Variants in EYS observed in about 807,000 individuals in gnomAD.
EYS encodes EGF-like photoreceptor maintenance factor, also known as protein eyes shut homolog.
EYS carries 250 observed loss-of-function variants against 282.1 expected under a neutral mutation model. That is an observed-to-expected ratio of 0.89 (90% CI 0.80 to 0.98). The LOEUF is 0.98. EYS is among the 50% of genes least tolerant of loss of function. The probability of loss-of-function intolerance (pLI) is 0.00; values close to 1 mark genes in which losing one functional copy is unlikely to be tolerated. For missense variants in EYS, 4,016 were observed against 3,709.0 expected, an observed-to-expected ratio of 1.08 and a Z score of -2.15; for synonymous variants, 1,355 against 1,282.9, an observed-to-expected ratio of 1.06 and a Z score of -1.20.
chr6:65,270,321 T>G (rs1021520283), intron 12 of EYS, among the ~76,000 whole-genome samples: 3 of 152,176 alleles, frequency 2.0e-5, no homozygotes, highest in Admixed American at 1.3e-4. Flanking sequence ...TTCCTTCTGA[T>G]TCCACTGGGG....
chr6:64,656,873 TAGGATGAG>T (rs986389710), intron 22 of EYS, among the ~76,000 whole-genome samples: 3 of 152,100 alleles, frequency 2.0e-5, no homozygotes, highest in Admixed American at 6.6e-5. Flanking sequence ...GTTGAAATGG[TAGGATGAG>T]AGGAGTAGGA....
At chr6:65,523,959 C>T (rs1767465856) in intron 2 of EYS, among the ~76,000 whole-genome samples, 2 of 152,200 alleles carry the variant, frequency 1.3e-5, no homozygotes, top group African/African-American at 4.8e-5. Flanking sequence ...GCAAACTCCG[C>T]CTCCTGGGTT....
rs144068656 is a variant in EYS at position 63,832,009 on chromosome 6, T to C, written c.7229-25637A>G. Among the ~76,000 whole-genome samples, 772 of 152,284 alleles carry C rather than the reference T, an allele frequency of 5.1e-3. 6 individuals are homozygous for C. The highest frequency in any genetic ancestry group is 5.6e-3 in the Non-Finnish European group (381 of 68,016). On this transcript the variant is annotated intron_variant, in intron 36 of 42. Transcript: ENST00000503581. ...TGAAGGCAGAAATAAAGATGTTCTTTGAAACCAACGAGAACAAAGACATAA... is the reference window on the plus strand; with the variant it reads ...TGAAGGCAGAAATAAAGATGTTCTTCGAAACCAACGAGAACAAAGACATAA...
chr6:64,609,046 A>G (rs181315035), intron 24 of EYS, among the ~76,000 whole-genome samples: 1 of 152,290 alleles, frequency 6.6e-6, no homozygotes, highest in East Asian at 1.9e-4. Context: ...TGTGAACTAC[A>G]GACTTTGGGT....
chr6:64,394,966 G>A (rs957410735), intron 28 of EYS, among the ~76,000 whole-genome samples: 2 of 152,110 alleles, frequency 1.3e-5, no homozygotes, highest in African/African-American at 2.4e-5. Flanking sequence ...CAAAAAGTGG[G>A]CGAAGGATAT....
intron 1 of EYS, among the ~76,000 whole-genome samples, chr6:65,665,227 A>G (rs985831172): frequency 1.3e-5 from 2 of 152,218 alleles, no homozygotes; most frequent in African/African-American, 2.4e-5. Context: ...AATTTAAGGT[A>G]TGAGAACTGA....
chr6:64,624,098 G>T (rs945948295), intron 23 of EYS, among the ~76,000 whole-genome samples: 2 of 152,112 alleles, frequency 1.3e-5, no homozygotes, highest in African/African-American at 4.8e-5. Flanking sequence ...TAACTCTAAA[G>T]TCAAAGGTAT....
intron 22 of EYS, among the ~76,000 whole-genome samples, chr6:64,727,888 CT>C (rs1462243041): frequency 6.6e-6 from 1 of 152,188 alleles, no homozygotes; most frequent in Non-Finnish European, 1.5e-5. Flanking sequence ...AACAACCTAC[CT>C]AGGTACCATG....
intron 22 of EYS, among the ~76,000 whole-genome samples, chr6:64,635,069 T>C (rs536094206): frequency 6.6e-6 from 1 of 152,100 alleles, no homozygotes; most frequent in South Asian, 2.1e-4. Context: ...CTAGGTATTT[T>C]ATTCTCTTTG....
At chr6:64,356,846 CT>C (rs767679415) in intron 29 of EYS, among the ~76,000 whole-genome samples, 3 of 151,578 alleles carry the variant, frequency 2.0e-5, no homozygotes, top group Non-Finnish European at 4.4e-5. Flanking sequence ...CCTATTGTAA[CT>C]ACGGGTGCTA....
At chr6:65,604,551 A>AATTTG (rs2149791673) in intron 2 of EYS, among the ~76,000 whole-genome samples, 1 of 152,114 alleles carries the variant, frequency 6.6e-6, no homozygotes, top group African/African-American at 2.4e-5. Flanking sequence ...TATTTGTCAA[A>AATTTG]ATTTGGAATG....
At chr6:64,992,643 A>T (rs1283462016) in intron 14 of EYS, among the ~76,000 whole-genome samples, 2 of 151,864 alleles carry the variant, frequency 1.3e-5, no homozygotes, top group Non-Finnish European at 2.9e-5. Context: ...ACAAAAATTG[A>T]ATTTTTCCTT....
chr6:65,020,322 G>A (rs983397983), intron 13 of EYS, among the ~76,000 whole-genome samples: 26 of 152,142 alleles, frequency 1.7e-4, no homozygotes, highest in African/African-American at 5.8e-4. Context: ...GTGAGTATAG[G>A]CATTGGGTAA....
intron 12 of EYS, among the ~76,000 whole-genome samples, chr6:65,234,860 G>A (rs1193488074): frequency 3.3e-5 from 5 of 152,098 alleles, no homozygotes; most frequent in South Asian, 2.1e-4. Context: ...AGCTAGTGAC[G>A]TTTGATCTTT....
chr6:65,521,886 G>A (rs1268953479), intron 2 of EYS, among the ~76,000 whole-genome samples: 3 of 152,042 alleles, frequency 2.0e-5, no homozygotes, highest in African/African-American at 4.8e-5. Context: ...TATAACGGAT[G>A]TTTTAAAAAT....
intron 5 of EYS, among the ~76,000 whole-genome samples, chr6:65,478,337 C>T (rs1231935293): frequency 2.6e-5 from 4 of 151,952 alleles, no homozygotes; most frequent in African/African-American, 4.8e-5. Context: ...ACATAAACAC[C>T]TGAATGCCAT....
chr6:64,947,404 C>G (rs1247232839), intron 14 of EYS, among the ~76,000 whole-genome samples: 8 of 151,690 alleles, frequency 5.3e-5, no homozygotes, highest in African/African-American at 1.5e-4. Flanking sequence ...TGAACAGGGC[C>G]AATTGGTTTT....
At chr6:65,128,622 A>G (rs1052230345) in intron 12 of EYS, among the ~76,000 whole-genome samples, 9 of 152,136 alleles carry the variant, frequency 5.9e-5, no homozygotes, top group African/African-American at 2.2e-4. Context: ...ACCAAGGAAG[A>G]GAAAGAGCTC....
chr6:64,235,407 A>C (rs1228956806), intron 30 of EYS, among the ~76,000 whole-genome samples: 5 of 152,220 alleles, frequency 3.3e-5, no homozygotes, highest in African/African-American at 1.2e-4. Context: ...TGTCCCTACA[A>C]AGGACATGAA....
Sources: allele counts gnomAD v4.1 joint callset (sites outside exome capture counted in the v4.1 genomes callset), GRCh38; gene constraint gnomAD v4.1.1; transcripts MANE v1.5; gene names NCBI Gene and HGNC (gene_info 2026-07-23, HGNC 2026-07-21).